CREB5: variants seen among roughly 807,000 people sequenced by gnomAD.
CREB5 encodes cyclic AMP-responsive element-binding protein 5.
A neutral mutation model predicts 57.1 loss-of-function variants in CREB5; 19 were observed. The observed-to-expected ratio is 0.33, with a 90% confidence interval of 0.23 to 0.49. CREB5 has a LOEUF of 0.49. Among genes scored for constraint, CREB5 ranks in the 20% least tolerant of loss-of-function variants. The probability of loss-of-function intolerance (pLI) is 0.99; values close to 1 mark genes in which losing one functional copy is unlikely to be tolerated. For missense variants in CREB5, 579 were observed against 671.6 expected, an observed-to-expected ratio of 0.86 and a Z score of 1.52; for synonymous variants, 238 against 238.3, an observed-to-expected ratio of 1.00 and a Z score of 0.01.
At chr7:28,389,128 C>T (rs1787163689) in intron 1 of CREB5, among the ~76,000 whole-genome samples, 1 of 152,152 alleles carries the variant, frequency 6.6e-6, no homozygotes, top group African/African-American at 2.4e-5. Context: ...ATGCAAAAGC[C>T]TCACGTTCAT....
chr7:28,574,616 A>T (rs160355), intron 5 of CREB5, among the ~76,000 whole-genome samples: 123,480 of 152,184 alleles, frequency 0.81, 50,171 homozygotes, highest in East Asian at 0.88. Context: ...AAGAATGGAT[A>T]TCAGTACAGA....
chr7:28,792,493 GCTC>G (rs1318354673), intron 7 of CREB5, among the ~76,000 whole-genome samples: 1 of 152,164 alleles, frequency 6.6e-6, no homozygotes, highest in Non-Finnish European at 1.5e-5. Flanking sequence ...GAAGAAAGTT[GCTC>G]CTCATTTTTT....
intron 1 of CREB5, among the ~76,000 whole-genome samples, chr7:28,424,113 CAT>C (rs1788394268): frequency 6.6e-6 from 1 of 152,184 alleles, no homozygotes; most frequent in African/African-American, 2.4e-5. Context: ...CTTCCCTTCG[CAT>C]ATCTGTCTCC....
intron 5 of CREB5, among the ~76,000 whole-genome samples, chr7:28,591,716 G>A (rs1261739740): frequency 6.6e-6 from 1 of 152,184 alleles, no homozygotes; most frequent in Admixed American, 6.5e-5. Flanking sequence ...TTTGTATTAT[G>A]TCAGGAAGGG....
Position 28,448,098 on chromosome 7 carries a change from C to T in CREB5, c.3+35181C>T, listed in dbSNP as rs1583474062. ...TGGTGGGCACAATCTAATCAGCTGC[C>T]AGCGAATATAAAGCAGGCAGAAAAA... On this transcript the variant is annotated intron_variant, in intron 1 of 10. Transcript: ENST00000357727. Among the ~76,000 whole-genome samples the T allele has an allele frequency of 3.3e-5, 5 of 152,138 alleles. No individual in the cohort carries two copies. In the South Asian group the frequency reaches 1.0e-3, roughly 32 times the overall value.
intron 1 of CREB5, among the ~76,000 whole-genome samples, chr7:28,441,139 A>G (rs1470448134): frequency 6.6e-6 from 1 of 152,184 alleles, no homozygotes; most frequent in East Asian, 1.9e-4. Flanking sequence ...GCTTGATTTA[A>G]ATACCTTCCA....
chr7:28,757,039 A>G (rs1476453145), intron 7 of CREB5, among the ~76,000 whole-genome samples: 1 of 152,168 alleles, frequency 6.6e-6, no homozygotes, highest in Non-Finnish European at 1.5e-5. Context: ...ACTGCCCATC[A>G]TGTTGCATTA....
intron 5 of CREB5, among the ~76,000 whole-genome samples, chr7:28,585,687 T>G (rs1339196736): frequency 6.6e-6 from 1 of 152,004 alleles, no homozygotes; most frequent in Admixed American, 6.6e-5. Flanking sequence ...AACCTAATGC[T>G]CCGAGAAATC....
intron 9 of CREB5, among the ~76,000 whole-genome samples, chr7:28,814,116 T>C (rs1448134415): frequency 6.6e-6 from 1 of 152,230 alleles, no homozygotes; most frequent in Non-Finnish European, 1.5e-5. Flanking sequence ...TTTGATTTCT[T>C]GTATGCATTT....
At chr7:28,629,721 G>A (rs1171582763) in intron 5 of CREB5, among the ~76,000 whole-genome samples, 1 of 152,170 alleles carries the variant, frequency 6.6e-6, no homozygotes, top group Non-Finnish European at 1.5e-5. Context: ...CCCAATGGCT[G>A]TCTCAGCTTT....
chr7:28,639,921 G>A (rs548559400), intron 5 of CREB5, among the ~76,000 whole-genome samples: 2 of 152,032 alleles, frequency 1.3e-5, no homozygotes, highest in Non-Finnish European at 2.9e-5. Flanking sequence ...AAAAAATGAC[G>A]GCACACACAA....
chr7:28,623,407 T>A (rs1419692545), intron 5 of CREB5, among the ~76,000 whole-genome samples: 1 of 152,218 alleles, frequency 6.6e-6, no homozygotes, highest in Non-Finnish European at 1.5e-5. Context: ...TCTTTATATG[T>A]CAAAATAGCT....
chr7:28,558,245 T>C (rs1794951988), intron 4 of CREB5, among the ~76,000 whole-genome samples: 1 of 152,236 alleles, frequency 6.6e-6, no homozygotes, highest in African/African-American at 2.4e-5. Flanking sequence ...TAATGACGAC[T>C]AAGTTTGGTT....
At chr7:28,634,320 ATGC>A (rs1320560731) in intron 5 of CREB5, among the ~76,000 whole-genome samples, 3 of 152,230 alleles carry the variant, frequency 2.0e-5, no homozygotes, top group Non-Finnish European at 1.5e-5. Context: ...AGATTAATGC[ATGC>A]TCATGGATTA....
At chr7:28,807,430 CAG>C in intron 8 of CREB5, among the ~76,000 whole-genome samples, 1 of 152,150 alleles carries the variant, frequency 6.6e-6, no homozygotes, top group Non-Finnish European at 1.5e-5. Context: ...GGCTGGGCGA[CAG>C]AGAGAGACTC....
intron 7 of CREB5, among the ~76,000 whole-genome samples, chr7:28,736,698 C>T (rs908628528): frequency 2.0e-5 from 3 of 152,048 alleles, no homozygotes; most frequent in African/African-American, 7.2e-5. Flanking sequence ...GCTGTCTTTG[C>T]TTTGGTTACC....
chr7:28,373,338 T>A (rs1287885105), intron 1 of CREB5, among the ~76,000 whole-genome samples: 1 of 152,204 alleles, frequency 6.6e-6, no homozygotes, highest in Non-Finnish European at 1.5e-5. Context: ...TTTGGTTTTT[T>A]AAATGGTACA....
intron 1 of CREB5, among the ~76,000 whole-genome samples, chr7:28,346,034 G>A (rs1786052013): frequency 6.6e-6 from 1 of 152,188 alleles, no homozygotes; most frequent in Non-Finnish European, 1.5e-5. Context: ...GCACCGTAGT[G>A]ATGGGTTAAG....
intron 5 of CREB5, among the ~76,000 whole-genome samples, chr7:28,660,428 T>C (rs1799562766): frequency 1.3e-5 from 2 of 148,914 alleles, no homozygotes; most frequent in South Asian, 2.1e-4. Flanking sequence ...TTAGGCATTC[T>C]GTTATTCTGA....
Sources: allele counts gnomAD v4.1 joint callset (sites outside exome capture counted in the v4.1 genomes callset), GRCh38; gene constraint gnomAD v4.1.1; transcripts MANE v1.5; gene names NCBI Gene and HGNC (gene_info 2026-07-23, HGNC 2026-07-21).